Variants in CCDC59 observed in about 807,000 individuals in gnomAD.
CCDC59 encodes thyroid transcription factor 1-associated protein 26.
Under a neutral mutation model 30.5 loss-of-function variants are expected in CCDC59, and 27 were observed. The observed-to-expected ratio is 0.89, with a 90% confidence interval of 0.65 to 1.22. The LOEUF is 1.22. CCDC59 is among the 50% of genes most tolerant of loss of function. The probability of loss-of-function intolerance (pLI) is 0.00; values close to 1 mark genes in which losing one functional copy is unlikely to be tolerated. For missense variants in CCDC59, 362 were observed against 284.4 expected (o/e 1.27, Z -1.96); for synonymous variants, 125 against 100.9 (o/e 1.24, Z -1.43).
At chr12:82,358,441 G>A (rs922694098), upstream of CCDC59, 4 of 1,605,884 alleles carry the variant, frequency 2.5e-6, no homozygotes, top group South Asian at 2.2e-5. Context: ...TCACCAAGCC[G>A]AAGCAATCAA....
rs1014428389 is a variant in CCDC59 at position 82,356,756 on chromosome 12, C to T, written c.464+204G>A. 4.3e-5 allele frequency: 19 copies of T among 446,114 alleles called. 1 individual carries two copies. Among genetic ancestry groups the T allele is most frequent in the Admixed American group, 2.6e-4 (7 of 26,604 alleles). 27.6% of individuals were successfully genotyped at this position (446,114 alleles called of 1,614,324 possible). On this transcript the variant is annotated intron_variant, in intron 2 of 3. Coordinates refer to ENST00000256151, the MANE Select transcript of CCDC59 (RefSeq NM_014167.5). ...ATTCCAGAGCTCTTAATTCCCATTA[C>T]GTTACTTTGTCAATTAGGCTAAACC...
At chr12:82,358,662 A>G (rs1204814421), upstream of CCDC59, 1 of 1,614,108 alleles carries the variant, frequency 6.2e-7, no homozygotes, top group Non-Finnish European at 8.5e-7. Context: ...TGCCCTGTCC[A>G]TTTCCAATGC....
chr12:82,353,928 C>G (rs1880910910), intron 3 of CCDC59, among the ~76,000 whole-genome samples: 1 of 151,808 alleles, frequency 6.6e-6, no homozygotes, highest in African/African-American at 2.4e-5. Context: ...GTGGGTAATT[C>G]TGTATTCATT....
At chr12:82,353,810 G>GT (rs1880906301) in intron 3 of CCDC59, among the ~76,000 whole-genome samples, 1 of 152,000 alleles carries the variant, frequency 6.6e-6, no homozygotes, top group Non-Finnish European at 1.5e-5. Context: ...TATCTTTAGG[G>GT]TATTTTTAAC....
chr12:82,354,534 T>C lies in CCDC59; in HGVS notation c.525A>G (p.Glu175=), dbSNP rs1274735106. 4.4e-6 allele frequency: 7 copies of C among 1,604,188 alleles called. No individual in the cohort carries two copies. Among genetic ancestry groups the C allele is most frequent in the Non-Finnish European group, 6.0e-6 (7 of 1,174,180 alleles). Residue 175 remains glutamate, a synonymous_variant, in exon 3 of 4, where the codon GAA becomes GAG. Coordinates refer to ENST00000256151, the MANE Select transcript of CCDC59 (RefSeq NM_014167.5). ...KKTSNQKAQE[E]YEQIQAKRAA... ...CACGTTTGGCTTGTATCTGTTCATA[T>C]TCTTCTTGTGCTTTTTGATTTGATG...
chr12:82,358,535 G>T, upstream of CCDC59: 1 of 1,602,642 alleles, frequency 6.2e-7, no homozygotes. Flanking sequence ...GGCCATGTTT[G>T]CGCCACCTAC....
In CCDC59 at chr12:82,353,124, A is replaced by G. The variant is rs761873699; in HGVS notation, c.*27T>C. ...CACAGAAGAACCTAATAGGCAGCAGATATTTTAACCTGTAGGAACAAAATG... is the reference window on the plus strand; with the variant it reads ...CACAGAAGAACCTAATAGGCAGCAGGTATTTTAACCTGTAGGAACAAAATG... On this transcript the variant is annotated 3_prime_UTR_variant, in exon 4 of 4. Transcript: ENST00000256151. 10 of 1,568,280 alleles carry G rather than the reference A, an allele frequency of 6.4e-6. No individual in the cohort carries two copies. The highest frequency in any genetic ancestry group is 8.6e-6 in the Non-Finnish European group (10 of 1,159,602).
At chr12:82,356,195 AG>A (rs913397760) in intron 2 of CCDC59, 4 of 152,200 alleles carry the variant, frequency 2.6e-5, no homozygotes, top group African/African-American at 9.6e-5. Flanking sequence ...TTGCAATTTT[AG>A]ATTTTAGCAT....
intron 2 of CCDC59, among the ~76,000 whole-genome samples, chr12:82,356,462 G>A (rs1389963478): frequency 6.6e-6 from 1 of 152,172 alleles, no homozygotes; most frequent in East Asian, 1.9e-4. Flanking sequence ...GAGTTTATGT[G>A]AGTAATCCAT....
chr12:82,357,223 G>T lies in CCDC59; in HGVS notation c.201C>A (p.Tyr67Ter). 3 of 1,613,988 alleles carry T rather than the reference G, an allele frequency of 1.9e-6. No individual in the cohort carries two copies. Among genetic ancestry groups the T allele is most frequent in the South Asian group, 1.1e-5 (1 of 91,078 alleles). Residue 67 changes from tyrosine to a stop codon, truncating the protein, a stop_gained, in exon 2 of 4, where the codon TAC becomes TAA. Transcript: ENST00000256151. LOFTEE classifies it high-confidence loss of function. ...TCTTTTCCTTCCGTAGCAATTTCTTGTAACTTTGCTGTATTTTCAGTTTTC... is the reference window on the plus strand; with the variant it reads ...TCTTTTCCTTCCGTAGCAATTTCTTTTAACTTTGCTGTATTTTCAGTTTTC... ...FRRKLKIQQS[Y>*]KKLLRKEKKA...
At chr12:82,353,439 ACT>A (rs1880891252) in intron 3 of CCDC59, 127 bp from the exon 4 acceptor site, 2 of 687,572 alleles carry the variant, frequency 2.9e-6, no homozygotes, top group South Asian at 4.9e-5. Flanking sequence ...CAAGATGTGC[ACT>A]GTTTCTCCTA....
Position 82,358,273 on chromosome 12 carries a change from TTC to T in CCDC59, c.102_103del (p.Lys35AspfsTer5), listed in dbSNP as rs759303264. 6 of 1,614,084 alleles carry T rather than the reference TTC, an allele frequency of 3.7e-6. No individual in the cohort carries two copies. The East Asian group carries it at 1.3e-4, about 36-fold the overall frequency. ...TTGCGGGTGGTTAGGCCGCCATGTC[TTC>T]TGTCTCACATTCTTATTCCTGTACC... On this transcript the variant is annotated frameshift_variant, in exon 1 of 4. Coordinates refer to ENST00000256151, the MANE Select transcript of CCDC59 (RefSeq NM_014167.5). LOFTEE classifies it high-confidence loss of function.
At chr12:82,354,442 T>C (rs1880937996) in intron 3 of CCDC59, 53 bp downstream of exon 3, 3 of 1,356,354 alleles carry the variant, frequency 2.2e-6, no homozygotes, top group East Asian at 2.5e-5. Flanking sequence ...ATAGTATATA[T>C]ATTTAGGATA....
intron 3 of CCDC59, among the ~76,000 whole-genome samples, chr12:82,354,143 G>A (rs969475810): frequency 3.3e-5 from 5 of 151,630 alleles, no homozygotes; most frequent in African/African-American, 9.7e-5. Context: ...ATTTTTCTTA[G>A]GTCAGTGGTT....
chr12:82,355,604 A>G (rs1184547060), intron 2 of CCDC59: 1 of 152,252 alleles, frequency 6.6e-6, no homozygotes, highest in Non-Finnish European at 1.5e-5. Flanking sequence ...AAAAGGCATT[A>G]AATTCCCAAG....
At position 82,357,136 on chromosome 12, in the gene CCDC59, G is replaced by C; in HGVS notation, c.288C>G (p.Leu96=). Residue 96 remains leucine (L), a synonymous_variant, in exon 2 of 4, where the codon CTC becomes CTG. Coordinates refer to ENST00000256151, the MANE Select transcript of CCDC59 (RefSeq NM_014167.5). The part of the protein sequence containing the change: ...TDRYPDNLKH[L]YLAEEERHRK... ...TATGTCTTTCCTCTTCAGCTAAATA[G>C]AGATGTTTCAGATTATCTGGGTATC... The C allele has an allele frequency of 6.2e-7, 1 of 1,614,164 alleles. No homozygotes were observed. The highest frequency in any genetic ancestry group is 8.5e-7 in the Non-Finnish European group (1 of 1,180,020).
In CCDC59 at chr12:82,354,567, T is replaced by A. The variant is rs1167192145; in HGVS notation, c.492A>T (p.Lys164Asn). ...VNSFTIPKKN[K>N]KKTSNQKAQE... ...GTGCTTTTTGATTTGATGTTTTCTT[T>A]TTATTTTTCTTTGGAATTGTAAAGG... is the stretch of plus-strand genomic sequence containing the variant. The change falls in exon 3 of 4, where the codon AAA (lysine) becomes AAT (asparagine). Residue 164 changes from lysine to asparagine, a missense_variant. Physicochemically the swap from Lys to Asn is moderately conservative, Grantham distance 94. Transcript: ENST00000256151. 6.9e-6 allele frequency: 11 copies of A among 1,588,274 alleles called. No homozygotes were observed. The highest frequency in any genetic ancestry group is 9.4e-6 in the Non-Finnish European group (11 of 1,164,056).
intron 3 of CCDC59, 131 bp from the exon 4 acceptor site, chr12:82,353,443 T>G (rs1005166663): frequency 1.5e-6 from 1 of 653,288 alleles, no homozygotes; most frequent in East Asian, 2.9e-5. Context: ...ATGTGCACTG[T>G]TTCTCCTAAT....
intron 2 of CCDC59, 148 bp downstream of exon 2, chr12:82,356,812 G>C: frequency 1.6e-6 from 1 of 607,610 alleles, no homozygotes; most frequent in Non-Finnish European, 2.7e-6. Context: ...GCTAAAAATA[G>C]AGCCTCCATG....
Sources: allele counts gnomAD v4.1 joint callset (sites outside exome capture counted in the v4.1 genomes callset), GRCh38; gene constraint gnomAD v4.1.1; transcripts MANE v1.5; gene names NCBI Gene and HGNC (gene_info 2026-07-23, HGNC 2026-07-21).